The following CSMD1 variants were observed in gnomAD, a reference collection of about 807,000 sequenced individuals.
CSMD1 encodes the protein CUB and Sushi multiple domains 1.
In CSMD1, 213 loss-of-function variants were observed where a neutral mutation model predicts 417.5. That is an observed-to-expected ratio of 0.51 (90% CI 0.46 to 0.57). The LOEUF is 0.57. Among genes scored for constraint, CSMD1 ranks in the 20% least tolerant of loss-of-function variants. The probability of loss-of-function intolerance (pLI) is 0.00; values close to 1 mark genes in which losing one functional copy is unlikely to be tolerated. For missense variants in CSMD1, 6,923 were observed against 4,529.7 expected, an observed-to-expected ratio of 1.53 and a Z score of -15.17; for synonymous variants, 2,862 against 1,736.8, an observed-to-expected ratio of 1.65 and a Z score of -16.11.
At chr8:4,872,360 G>A (rs573853033) in intron 1 of CSMD1, among the ~76,000 whole-genome samples, 14 of 152,158 alleles carry the variant, frequency 9.2e-5, no homozygotes, top group Non-Finnish European at 1.6e-4. Flanking sequence ...AAGAGAACAG[G>A]TGGAGGTAAT....
At chr8:3,411,874 G>GTATATATGCACGTATATATGCACA (rs1563361551) in intron 12 of CSMD1, among the ~76,000 whole-genome samples, 1 of 101,080 alleles carries the variant, frequency 9.9e-6, no homozygotes, top group African/African-American at 3.7e-5. Context: ...ATATATGCAC[G>GTATATATGCACGTATATATGCACA]TATATATACA....
intron 63 of CSMD1, among the ~76,000 whole-genome samples, chr8:2,956,576 C>A (rs535847111): frequency 6.6e-6 from 1 of 152,222 alleles, no homozygotes; most frequent in South Asian, 2.1e-4. Flanking sequence ...GACTCAGCCT[C>A]CCCAGTAGCT....
At chr8:3,192,436 C>A (rs969606511) in intron 33 of CSMD1, among the ~76,000 whole-genome samples, 2 of 152,182 alleles carry the variant, frequency 1.3e-5, no homozygotes, top group African/African-American at 2.4e-5. Flanking sequence ...TAGTCTGATA[C>A]ACCTTCTACA....
chr8:3,434,313 T>C (rs371143323), intron 12 of CSMD1, among the ~76,000 whole-genome samples: 26 of 152,200 alleles, frequency 1.7e-4, no homozygotes, highest in African/African-American at 6.0e-4. Flanking sequence ...CTCATCTAAT[T>C]ACCAGTAGAT....
At chr8:4,314,457 C>T (rs994004034) in intron 3 of CSMD1, among the ~76,000 whole-genome samples, 3 of 152,140 alleles carry the variant, frequency 2.0e-5, no homozygotes, top group African/African-American at 7.2e-5. Flanking sequence ...AAATATAAGC[C>T]AATTTCAATT....
intron 3 of CSMD1, among the ~76,000 whole-genome samples, chr8:4,388,763 C>T (rs555393456): frequency 5.3e-5 from 8 of 152,082 alleles, no homozygotes; most frequent in Non-Finnish European, 7.4e-5. Context: ...AAAATAAAAC[C>T]TGTCTTTCTG....
intron 5 of CSMD1, among the ~76,000 whole-genome samples, chr8:3,863,369 C>A (rs1018089112): frequency 6.9e-6 from 1 of 145,334 alleles, no homozygotes; most frequent in Non-Finnish European, 1.5e-5. Flanking sequence ...GCACTCTAGC[C>A]TAGGCTACAG....
chr8:4,317,751 G>C, intron 3 of CSMD1, among the ~76,000 whole-genome samples: 1 of 152,094 alleles, frequency 6.6e-6, no homozygotes, highest in East Asian at 1.9e-4. Context: ...TACCATTTAG[G>C]TTACTTCCAC....
intron 1 of CSMD1, among the ~76,000 whole-genome samples, chr8:4,944,923 C>T (rs550486490): frequency 2.0e-5 from 3 of 152,108 alleles, no homozygotes; most frequent in Non-Finnish European, 2.9e-5. Context: ...AAACAGTCGA[C>T]ATCAGGGTCT....
At chr8:4,659,859 A>C (rs1036721128) in intron 1 of CSMD1, among the ~76,000 whole-genome samples, 4 of 152,148 alleles carry the variant, frequency 2.6e-5, no homozygotes, top group African/African-American at 4.8e-5. Flanking sequence ...TAAACAATAA[A>C]AATCAAATAA....
chr8:4,449,074 T>C (rs1027481097), intron 2 of CSMD1, among the ~76,000 whole-genome samples: 1 of 151,632 alleles, frequency 6.6e-6, no homozygotes, highest in African/African-American at 2.4e-5. Context: ...TATAAACCTC[T>C]TTCTAAGGAG....
At chr8:3,543,976 A>G (rs1178135805) in intron 10 of CSMD1, among the ~76,000 whole-genome samples, 2 of 152,184 alleles carry the variant, frequency 1.3e-5, no homozygotes, top group Non-Finnish European at 2.9e-5. Flanking sequence ...AAGCAGAAAG[A>G]GTCAGATAGG....
chr8:4,031,353 G>A (rs1029410473), intron 4 of CSMD1, among the ~76,000 whole-genome samples: 1 of 152,218 alleles, frequency 6.6e-6, no homozygotes, highest in South Asian at 2.1e-4. Context: ...GCAAGGAGGA[G>A]CACATCACGT....
intron 5 of CSMD1, among the ~76,000 whole-genome samples, chr8:3,865,909 A>G (rs912429404): frequency 2.0e-5 from 3 of 152,362 alleles, no homozygotes; most frequent in South Asian, 2.1e-4. Context: ...AATTGTCAAA[A>G]CCACATTAAT....
chr8:3,801,283 T>C (rs912981564), intron 5 of CSMD1, among the ~76,000 whole-genome samples: 2 of 151,756 alleles, frequency 1.3e-5, no homozygotes, highest in Non-Finnish European at 2.9e-5. Flanking sequence ...ACCCTAACAA[T>C]TAAAAATTGG....
chr8:4,659,395 C>G (rs11136760), intron 1 of CSMD1, among the ~76,000 whole-genome samples: 3 of 151,914 alleles, frequency 2.0e-5, no homozygotes, highest in Non-Finnish European at 2.9e-5. Flanking sequence ...AAATGCAGAA[C>G]AGCAAAACAA....
chr8:4,705,044 T>G (rs1334472002), intron 1 of CSMD1, among the ~76,000 whole-genome samples: 1 of 152,198 alleles, frequency 6.6e-6, no homozygotes, highest in Non-Finnish European at 1.5e-5. Flanking sequence ...TCCCATGCTG[T>G]TCTCATGCTA....
intron 5 of CSMD1, among the ~76,000 whole-genome samples, chr8:3,868,743 A>T (rs1454677118): frequency 6.6e-6 from 1 of 152,064 alleles, no homozygotes; most frequent in African/African-American, 2.4e-5. Flanking sequence ...TGCTCTCTCA[A>T]CCCACATCCA....
chr8:3,140,390 G>T (rs535450270), intron 41 of CSMD1, among the ~76,000 whole-genome samples: 1 of 152,132 alleles, frequency 6.6e-6, no homozygotes, highest in South Asian at 2.1e-4. Context: ...TTCAAGTAGG[G>T]AATGATTAGT....
Sources: gnomAD v4.1 joint callset for allele counts (sites outside exome capture counted in the v4.1 genomes callset) on GRCh38, gnomAD v4.1.1 for gene constraint, MANE v1.5 for transcripts, NCBI Gene and HGNC (gene_info 2026-07-23, HGNC 2026-07-21) for gene names.